The following CNIH3 variants were observed in gnomAD, a reference collection of about 807,000 sequenced individuals.
CNIH3 encodes protein cornichon homolog 3.
CNIH3 carries 14 observed loss-of-function variants against 24.1 expected under a neutral mutation model. The observed-to-expected ratio is 0.58, with a 90% CI of 0.38 to 0.91. The LOEUF (loss-of-function observed/expected upper bound fraction) is 0.91, where lower values mean the gene tolerates loss of function less well. Ranked by LOEUF, CNIH3 falls within the 40% of genes least tolerant of loss-of-function variation. The probability of loss-of-function intolerance (pLI) is 0.00; values close to 1 mark genes in which losing one functional copy is unlikely to be tolerated. For missense variants in CNIH3, 178 were observed against 196.8 expected (o/e 0.90, Z 0.57); for synonymous variants, 68 against 73.8 (o/e 0.92, Z 0.40).
chr1:224,579,033 G>T (rs1359474663), intron 4 of CNIH3, among the ~76,000 whole-genome samples: 1 of 148,492 alleles, frequency 6.7e-6, no homozygotes, highest in Non-Finnish European at 1.5e-5. Flanking sequence ...TTGTTCAGAT[G>T]TTGGACCTCC....
upstream of CNIH3, among the ~76,000 whole-genome samples, chr1:224,614,839 C>G (rs1434042671): frequency 6.6e-6 from 1 of 151,014 alleles, no homozygotes; most frequent in Admixed American, 6.6e-5. Flanking sequence ...CCCAGCTACT[C>G]GGGAGGCTAA....
chr1:224,708,330 G>A (rs1475592188), intron 3 of CNIH3, among the ~76,000 whole-genome samples: 1 of 152,038 alleles, frequency 6.6e-6, no homozygotes, highest in Non-Finnish European at 1.5e-5. Flanking sequence ...CCTCTTTTGA[G>A]TACCTTCTCT....
chr1:224,646,550 G>A (rs1684616009), intron 1 of CNIH3, among the ~76,000 whole-genome samples: 1 of 152,124 alleles, frequency 6.6e-6, no homozygotes, highest in Admixed American at 6.6e-5. Context: ...GGACTACAGA[G>A]GTGTGCCTCC....
chr1:224,686,837 C>T (rs1296705639), intron 3 of CNIH3, among the ~76,000 whole-genome samples: 2 of 152,248 alleles, frequency 1.3e-5, no homozygotes, highest in Admixed American at 6.5e-5. Flanking sequence ...AGTAAGCACA[C>T]TATGCAAGAA....
intron 3 of CNIH3, among the ~76,000 whole-genome samples, chr1:224,595,959 G>A (rs1681960817): frequency 6.6e-6 from 1 of 152,222 alleles, no homozygotes. Context: ...TTTAAGGAAA[G>A]ATGCCATCTT....
intron 4 of CNIH3, among the ~76,000 whole-genome samples, chr1:224,572,386 C>T (rs1027792923): frequency 6.6e-6 from 1 of 151,954 alleles, no homozygotes; most frequent in Non-Finnish European, 1.5e-5. Flanking sequence ...CAAGGTGGCT[C>T]ACGCCTGTAG....
rs975725698 is a variant in CNIH3 at position 224,634,054 on chromosome 1, T to C, written c.81+16799T>C. Among the ~76,000 whole-genome samples the C allele has an allele frequency of 5.3e-5, 8 of 152,230 alleles. No homozygotes were observed. In the East Asian group the frequency reaches 1.3e-3, roughly 26 times the overall value. On this transcript the variant is annotated intron_variant, in intron 1 of 5. Transcript: ENST00000272133. The stretch of plus-strand genomic sequence containing the variant: ...GGTGGGGAGGATGGATTTGCTGGAC[T>C]TGTGGCCCTGAACATGCTTCCCTGC...
intron 1 of CNIH3, among the ~76,000 whole-genome samples, chr1:224,484,782 C>A (rs554380805): frequency 6.6e-6 from 1 of 152,244 alleles, no homozygotes; most frequent in African/African-American, 2.4e-5. Flanking sequence ...TTAATCCCAG[C>A]AATGTATTTT....
At chr1:224,446,284 C>T (rs1369577771) in intron 1 of CNIH3, among the ~76,000 whole-genome samples, 1 of 139,964 alleles carries the variant, frequency 7.1e-6, no homozygotes, top group African/African-American at 2.7e-5. Flanking sequence ...AAAGTATAGA[C>T]TCATCAATTT....
intron 2 of CNIH3, among the ~76,000 whole-genome samples, chr1:224,536,284 C>CGT (rs1679279465): frequency 1.2e-5 from 1 of 86,046 alleles, no homozygotes; most frequent in Non-Finnish European, 2.1e-5. Context: ...TAATTGTTGT[C>CGT]TTTTTTTTTT....
intron 1 of CNIH3, among the ~76,000 whole-genome samples, chr1:224,469,527 C>T (rs1052410894): frequency 1.1e-4 from 16 of 152,140 alleles, no homozygotes; most frequent in African/African-American, 2.7e-4. Flanking sequence ...TGTTTTATAG[C>T]GACAGAGTCT....
chr1:224,437,931 G>C (rs1674732260), intron 1 of CNIH3, among the ~76,000 whole-genome samples: 1 of 138,512 alleles, frequency 7.2e-6, no homozygotes, highest in Admixed American at 7.3e-5. Context: ...TTTTTTTTTG[G>C]AGACAGAGTT....
At chr1:224,658,081 G>A (rs1181786938) in intron 1 of CNIH3, among the ~76,000 whole-genome samples, 1 of 152,160 alleles carries the variant, frequency 6.6e-6, no homozygotes, top group East Asian at 1.9e-4. Context: ...TAACATACCA[G>A]ATAAGCCTAA....
At chr1:224,441,490 G>C (rs984150823) in intron 1 of CNIH3, among the ~76,000 whole-genome samples, 1 of 152,212 alleles carries the variant, frequency 6.6e-6, no homozygotes, top group Admixed American at 6.5e-5. Context: ...AGGAGTCCCT[G>C]CATAGACTCT....
At chr1:224,491,934 G>A (rs1193535408) in intron 1 of CNIH3, among the ~76,000 whole-genome samples, 1 of 151,972 alleles carries the variant, frequency 6.6e-6, no homozygotes, top group Admixed American at 6.6e-5. Context: ...TTTTATTTTT[G>A]TAGAGACAAG....
At chr1:224,725,719 C>T (rs569735644) in intron 3 of CNIH3, among the ~76,000 whole-genome samples, 9 of 152,294 alleles carry the variant, frequency 5.9e-5, no homozygotes, top group East Asian at 1.9e-4. Flanking sequence ...ACAACAGGGG[C>T]GCTTGCTGCC....
intron 1 of CNIH3, among the ~76,000 whole-genome samples, chr1:224,481,707 C>A (rs1021056100): frequency 4.6e-5 from 7 of 152,198 alleles, no homozygotes; most frequent in Non-Finnish European, 1.5e-5. Flanking sequence ...AACTTGAAGC[C>A]AGCACACCAC....
intron 3 of CNIH3, among the ~76,000 whole-genome samples, chr1:224,686,711 A>G (rs1411976751): frequency 6.6e-6 from 1 of 152,152 alleles, no homozygotes; most frequent in East Asian, 1.9e-4. Context: ...CATATCCATC[A>G]CCTTTTATCC....
At chr1:224,538,830 ATTTTTT>A (rs71574506), downstream of CNIH3, among the ~76,000 whole-genome samples, 41 of 124,196 alleles carry the variant, frequency 3.3e-4, no homozygotes, top group East Asian at 8.8e-4. Context: ...AGCTAATTAC[ATTTTTT>A]TTTTTTTTTT....
Sources: allele counts gnomAD v4.1 joint callset (sites outside exome capture counted in the v4.1 genomes callset), GRCh38; gene constraint gnomAD v4.1.1; transcripts MANE v1.5; gene names NCBI Gene and HGNC (gene_info 2026-07-23, HGNC 2026-07-21).